The following MARCHF1 variants were observed in gnomAD, a reference collection of about 807,000 sequenced individuals.
The protein encoded by MARCHF1 is E3 ubiquitin-protein ligase MARCHF1.
A neutral mutation model predicts 54.2 loss-of-function variants in MARCHF1; 40 were observed. The observed-to-expected ratio is 0.74, with a 90% CI of 0.57 to 0.96. The LOEUF is 0.96. Among genes scored for constraint, MARCHF1 ranks in the 40% least tolerant of loss-of-function variants. The pLI, the probability that MARCHF1 is intolerant of heterozygous loss-of-function variation, is 0.00. For synonymous variants in MARCHF1, 236 were observed against 236.3 expected, an observed-to-expected ratio of 1.00 and a Z score of 0.01; for missense variants, 586 against 656.5, an observed-to-expected ratio of 0.89 and a Z score of 1.17.
intron 1 of MARCHF1, among the ~76,000 whole-genome samples, chr4:164,341,743 C>T (rs531271994): frequency 6.6e-6 from 1 of 152,132 alleles, no homozygotes; most frequent in Non-Finnish European, 1.5e-5. Context: ...TCCTTTAAGG[C>T]CCACATCCTA....
intron 3 of MARCHF1, among the ~76,000 whole-genome samples, chr4:163,972,608 G>A (rs1047157751): frequency 1.8e-4 from 28 of 151,982 alleles, no homozygotes; most frequent in Non-Finnish European, 3.7e-4. Flanking sequence ...GTGCAGTGGC[G>A]CGATCTCAGC....
chr4:163,983,525 C>G (rs375346651), intron 3 of MARCHF1, among the ~76,000 whole-genome samples: 1 of 152,024 alleles, frequency 6.6e-6, no homozygotes, highest in East Asian at 1.9e-4. Context: ...AAAAAGAAAA[C>G]AAAACTCCCC....
At chr4:163,842,162 T>C (rs956214232) in intron 4 of MARCHF1, among the ~76,000 whole-genome samples, 1 of 152,056 alleles carries the variant, frequency 6.6e-6, no homozygotes, top group South Asian at 2.1e-4. Context: ...CCTCCAGAAA[T>C]GTAGTGGATA....
At chr4:164,180,600 A>G (rs1730807568) in intron 1 of MARCHF1, among the ~76,000 whole-genome samples, 1 of 152,172 alleles carries the variant, frequency 6.6e-6, no homozygotes, top group Non-Finnish European at 1.5e-5. Context: ...TATGCAGCAG[A>G]GGAGACAGTG....
chr4:164,370,925 A>C (rs769348571), intron 1 of MARCHF1, among the ~76,000 whole-genome samples: 1 of 151,906 alleles, frequency 6.6e-6, no homozygotes, highest in Non-Finnish European at 1.5e-5. Flanking sequence ...AATAAATAAT[A>C]TAAATATAAA....
chr4:163,900,025 G>A (rs1750903955), intron 3 of MARCHF1, among the ~76,000 whole-genome samples: 2 of 151,850 alleles, frequency 1.3e-5, no homozygotes, highest in Admixed American at 6.6e-5. Context: ...CACATTCTCA[G>A]GAGACCTTCA....
At chr4:163,645,122 C>A (rs72991561) in intron 5 of MARCHF1, among the ~76,000 whole-genome samples, 46 of 152,242 alleles carry the variant, frequency 3.0e-4, no homozygotes, top group African/African-American at 1.1e-3. Context: ...GTAACAGGCC[C>A]ATTGTCTTCA....
chr4:163,626,820 G>A (rs766051286), intron 5 of MARCHF1, among the ~76,000 whole-genome samples: 27 of 152,122 alleles, frequency 1.8e-4, no homozygotes, highest in Non-Finnish European at 2.9e-4. Context: ...TCAGCTACTC[G>A]GGAGGCTGAG....
intron 3 of MARCHF1, among the ~76,000 whole-genome samples, chr4:163,899,072 C>T (rs550145834): frequency 1.4e-4 from 21 of 152,270 alleles, no homozygotes; most frequent in African/African-American, 4.8e-4. Context: ...TTGGGTACAA[C>T]GTTCTGTATT....
chr4:164,352,677 T>A (rs1329846573), intron 1 of MARCHF1, among the ~76,000 whole-genome samples: 1 of 150,176 alleles, frequency 6.7e-6, no homozygotes, highest in Non-Finnish European at 1.5e-5. Flanking sequence ...GTAAAGACCA[T>A]CGAGGCTAGG....
chr4:163,560,789 T>A (rs1279690462), intron 8 of MARCHF1, among the ~76,000 whole-genome samples: 3 of 152,184 alleles, frequency 2.0e-5, no homozygotes, highest in Admixed American at 1.3e-4. Context: ...CTATTGCAAA[T>A]AATATTTTTA....
chr4:164,208,707 A>T (rs1415487903), intron 1 of MARCHF1, among the ~76,000 whole-genome samples: 1 of 152,210 alleles, frequency 6.6e-6, no homozygotes, highest in Non-Finnish European at 1.5e-5. Context: ...GGCATTTAAA[A>T]GCTGCCTTGT....
intron 2 of MARCHF1, among the ~76,000 whole-genome samples, chr4:164,082,070 C>A (rs1412371598): frequency 6.6e-6 from 1 of 152,144 alleles, no homozygotes; most frequent in African/African-American, 2.4e-5. Flanking sequence ...TTAGTGTTTT[C>A]CAAATTGCAA....
intron 5 of MARCHF1, among the ~76,000 whole-genome samples, chr4:163,663,784 C>A (rs1319032561): frequency 6.6e-6 from 1 of 151,966 alleles, no homozygotes; most frequent in Non-Finnish European, 1.5e-5. Context: ...TATCTATGAT[C>A]TCATATTCAG....
rs1742288530 is a variant in MARCHF1 at position 163,635,636 on chromosome 4, T to C, written c.163-22243A>G. Among the ~76,000 whole-genome samples, 6 of 149,940 alleles carry C rather than the reference T, an allele frequency of 4.0e-5. No individual in the cohort carries two copies. The South Asian group carries it at 1.1e-3, about 27-fold the overall frequency. Reference sequence around the variant, plus strand: ...CAACCAAAAAGAGTCCAGGACCAGATGGATTCACAGCCGAATTCTACCAGA... The same window carrying C: ...CAACCAAAAAGAGTCCAGGACCAGACGGATTCACAGCCGAATTCTACCAGA... On this transcript the variant is annotated intron_variant, in intron 5 of 9. Coordinates refer to ENST00000514618, the MANE Select transcript of MARCHF1 (RefSeq NM_001394959.1).
At chr4:164,269,634 G>A (rs1351883784) in intron 1 of MARCHF1, among the ~76,000 whole-genome samples, 4 of 152,070 alleles carry the variant, frequency 2.6e-5, no homozygotes, top group Admixed American at 2.0e-4. Context: ...TTAGTTGGGT[G>A]ATGTGTCTTA....
At chr4:163,851,072 C>T (rs565961252) in intron 4 of MARCHF1, among the ~76,000 whole-genome samples, 9 of 152,082 alleles carry the variant, frequency 5.9e-5, no homozygotes, top group South Asian at 4.2e-4. Flanking sequence ...CCCATGATTC[C>T]GGAATATAAC....
At chr4:163,899,290 C>T (rs1227755660) in intron 3 of MARCHF1, among the ~76,000 whole-genome samples, 3 of 152,128 alleles carry the variant, frequency 2.0e-5, no homozygotes, top group African/African-American at 2.4e-5. Context: ...TTCATTAAAA[C>T]GTCTTTTTCC....
At chr4:163,780,822 G>A (rs1377150486) in intron 4 of MARCHF1, among the ~76,000 whole-genome samples, 7 of 152,140 alleles carry the variant, frequency 4.6e-5, no homozygotes, top group Non-Finnish European at 7.4e-5. Flanking sequence ...GTCTGCATAC[G>A]CCCACAGCAG....
Sources: allele counts gnomAD v4.1 joint callset (sites outside exome capture counted in the v4.1 genomes callset), GRCh38; gene constraint gnomAD v4.1.1; transcripts MANE v1.5; gene names NCBI Gene and HGNC (gene_info 2026-07-23, HGNC 2026-07-21).